The following F5 variants were observed in gnomAD, a reference collection of about 807,000 sequenced individuals.
The protein encoded by F5 is coagulation factor V, also known as activated protein c cofactor.
A neutral mutation model predicts 216.4 loss-of-function variants in F5; 138 were observed. The observed-to-expected ratio is 0.64, with a 90% CI of 0.56 to 0.73. The LOEUF is 0.73. Ranked by LOEUF, F5 falls within the 30% of genes least tolerant of loss-of-function variation. F5 has a pLI of 0.00. For synonymous variants in F5, 916 were observed against 930.7 expected (o/e 0.98, Z 0.29); for missense variants, 2,403 against 2,674.0 (o/e 0.90, Z 2.24).
At chr1:169,554,160 G>A (rs1660254792) in intron 7 of F5, among the ~76,000 whole-genome samples, 2 of 70,614 alleles carry the variant, frequency 2.8e-5, no homozygotes. Context: ...CTCTCAAAAT[G>A]ACCTCCCTAC....
chr1:169,516,277 A>C (rs1296508110), intron 23 of F5, among the ~76,000 whole-genome samples: 7 of 152,194 alleles, frequency 4.6e-5, no homozygotes, highest in Non-Finnish European at 1.0e-4. Flanking sequence ...CTCTGGCCTA[A>C]CAAAATGCCT....
rs1557920206 is a variant in F5, at chr1:169,549,972, G to A, written c.1440C>T (p.Thr480=). 1 of 1,614,092 alleles carries A rather than the reference G, an allele frequency of 6.2e-7. No individual in the cohort carries two copies. The highest frequency in any genetic ancestry group is 1.3e-5 in the African/African-American group (1 of 75,016). Residue 480 remains threonine (T), a synonymous_variant, in exon 10 of 25, where the codon ACC becomes ACT. Transcript: ENST00000367797. ...TMIRAVQPGE[T]YTYKWNILEF... ...CTAAGATGTTCCACTTATAAGTATA[G>A]GTTTCCCCTGGTTGAACTGCTCTGA...
chr1:169,541,836 G>A lies in F5; in HGVS notation c.3254C>T (p.Thr1085Ile). 1.9e-6 allele frequency: 3 copies of A among 1,614,112 alleles called. No individual in the cohort carries two copies. Among genetic ancestry groups the A allele is most frequent in the East Asian group, 2.2e-5 (1 of 44,880 alleles). ...CCAGCCAAAATCCATAGAGGGCAAT[G>A]TCTGATTGAGGTCTGTGGGAAGAGA... ...ETSLPTDLNQ[T>I]LPSMDFGWIA... Residue 1085 changes from threonine (T) to isoleucine (I), a missense_variant, in exon 13 of 25, where the codon ACA (threonine) becomes ATA (isoleucine). By Grantham distance (89) the Thr-to-Ile change is moderately conservative. Transcript: ENST00000367797.
chr1:169,524,052 G>T (rs1659372911), intron 19 of F5, 148 bp from the exon 20 acceptor site: 2 of 693,352 alleles, frequency 2.9e-6, no homozygotes, highest in Admixed American at 2.3e-5. Context: ...TACTAGGCCA[G>T]TCCTTGATGA....
At chr1:169,514,610 A>G (rs1412612887) in intron 24 of F5, 151 bp from the exon 25 acceptor site, 4 of 672,924 alleles carry the variant, frequency 5.9e-6, no homozygotes, top group African/African-American at 1.8e-5. Context: ...ACTCCTCTCA[A>G]GTAATCCTCT....
chr1:169,546,026 A>C (rs1659992614), intron 11 of F5, among the ~76,000 whole-genome samples: 1 of 152,114 alleles, frequency 6.6e-6, no homozygotes, highest in Non-Finnish European at 1.5e-5. Flanking sequence ...CTCTACTTTG[A>C]TGTGTCAATC....
rs200865371 is a variant in F5 at position 169,527,980 on chromosome 1, T to C, written c.5534A>G (p.His1845Arg). ...GCCATTTTCCAGCAAGGTCTGGCCG[T>C]GAAAGTGAACCACGTGAATGTCTTG... Reference protein sequence around the residue: ...GSQDIHVVHFHGQTLLENGNK... With the variant: ...GSQDIHVVHFRGQTLLENGNK... The change falls in exon 17 of 25, where the codon CAC becomes CGC. Residue 1845 changes from histidine to arginine, a missense_variant. Coordinates refer to ENST00000367797, the MANE Select transcript of F5 (RefSeq NM_000130.5). 61 of 1,613,750 alleles carry C rather than the reference T, an allele frequency of 3.8e-5. No individual in the cohort carries two copies. Among genetic ancestry groups the C allele is most frequent in the Non-Finnish European group, 2.7e-5 (32 of 1,179,888 alleles).
intron 6 of F5, among the ~76,000 whole-genome samples, chr1:169,555,759 A>G (rs1239134865): frequency 1.3e-5 from 2 of 151,984 alleles, no homozygotes; most frequent in Admixed American, 6.6e-5. Flanking sequence ...ATAACAATAC[A>G]TAATGCACTT....
chr1:169,582,537 CA>C lies in F5; in HGVS notation c.159-16del. The C allele has an allele frequency of 7.0e-7, 1 of 1,418,838 alleles. No individual in the cohort carries two copies. Among genetic ancestry groups the C allele is most frequent in the Middle Eastern group, 1.8e-4 (1 of 5,478 alleles). The allele number at this position is 1,418,838 out of a possible 1,614,324, so 87.9% of individuals were successfully genotyped here. A position where few individuals can be genotyped will look rare whatever the true frequency, so the allele number is the denominator to read the frequency against. On this transcript the variant is annotated splice_polypyrimidine_tract_variant and intron_variant, in intron 1 of 24. Transcript: ENST00000367797. ...AAAGATTCAAACTGGAAATAAAATA[CA>C]AAAACTAATTTGAAAGGCATATTCA...
At chr1:169,561,584 G>A (rs561999753) in intron 3 of F5, among the ~76,000 whole-genome samples, 1 of 152,212 alleles carries the variant, frequency 6.6e-6, no homozygotes, top group Admixed American at 6.5e-5. Flanking sequence ...GAAGGGGAGA[G>A]GTGAGTGCCA....
At chr1:169,583,749 G>A (rs1483158929) in intron 1 of F5, among the ~76,000 whole-genome samples, 3 of 152,178 alleles carry the variant, frequency 2.0e-5, no homozygotes, top group Non-Finnish European at 4.4e-5. Flanking sequence ...TTACAGTAAT[G>A]CTCACAAATT....
chr1:169,573,798 T>C (rs974968848), intron 2 of F5, among the ~76,000 whole-genome samples: 3 of 152,060 alleles, frequency 2.0e-5, no homozygotes, highest in African/African-American at 7.3e-5. Flanking sequence ...TGCTGAGATA[T>C]GGGCAAAATA....
At chr1:169,539,551 T>A (rs1421528352) in intron 13 of F5, among the ~76,000 whole-genome samples, 1 of 152,238 alleles carries the variant, frequency 6.6e-6, no homozygotes, top group African/African-American at 2.4e-5. Context: ...AATGTGGAGA[T>A]GTCAGGCATC....
intron 1 of F5, among the ~76,000 whole-genome samples, chr1:169,584,562 A>T (rs755624178): frequency 1.2e-4 from 18 of 152,236 alleles, no homozygotes; most frequent in African/African-American, 4.1e-4. Flanking sequence ...TGCTAATATT[A>T]TATGAAATAA....
chr1:169,572,552 C>A (rs1660750160), intron 2 of F5, among the ~76,000 whole-genome samples: 1 of 152,202 alleles, frequency 6.6e-6, no homozygotes, highest in African/African-American at 2.4e-5. Flanking sequence ...ATGGTAGAAA[C>A]ACTTGTCCTG....
chr1:169,528,611 A>G (rs9332626), intron 16 of F5, among the ~76,000 whole-genome samples: 3,965 of 152,186 alleles, frequency 0.026, 162 homozygotes, highest in African/African-American at 0.091. Context: ...ATAGCAAGTC[A>G]TGTTTATTCT....
At chr1:169,564,450 G>A (rs1458244868) in intron 3 of F5, among the ~76,000 whole-genome samples, 1 of 151,922 alleles carries the variant, frequency 6.6e-6, no homozygotes, top group Non-Finnish European at 1.5e-5. Context: ...CTGTTCCCTG[G>A]AAACACTCTT....
chr1:169,575,941 G>T (rs1387093378), intron 2 of F5, among the ~76,000 whole-genome samples: 1 of 152,170 alleles, frequency 6.6e-6, no homozygotes, highest in East Asian at 1.9e-4. Flanking sequence ...TGGATCCCAT[G>T]TAATAACAAA....
intron 19 of F5, 104 bp downstream of exon 19, chr1:169,524,733 G>T: frequency 1.0e-6 from 1 of 990,598 alleles, no homozygotes; most frequent in South Asian, 1.3e-5. Flanking sequence ...AAAGCATAAA[G>T]AGAAAAACTG....
Sources: gnomAD v4.1 joint callset for allele counts (sites outside exome capture counted in the v4.1 genomes callset) on GRCh38, gnomAD v4.1.1 for gene constraint, MANE v1.5 for transcripts, NCBI Gene and HGNC (gene_info 2026-07-23, HGNC 2026-07-21) for gene names.